Variants in USP3 observed in about 807,000 individuals in gnomAD.
USP3 encodes the protein ubiquitin carboxyl-terminal hydrolase 3.
USP3 carries 20 observed loss-of-function variants against 72.3 expected under a neutral mutation model. The observed-to-expected ratio is 0.28, with a 90% CI of 0.19 to 0.40. The LOEUF (loss-of-function observed/expected upper bound fraction) is 0.40, where lower values mean the gene tolerates loss of function less well. Ranked by LOEUF, USP3 falls within the 10% of genes least tolerant of loss-of-function variation. The pLI is 1.00. For synonymous variants in USP3, 222 were observed against 225.3 expected (o/e 0.99, Z 0.13); for missense variants, 479 against 633.9 (o/e 0.76, Z 2.62).
At chr15:63,581,574 G>GT (rs2066964283) in intron 11 of USP3, among the ~76,000 whole-genome samples, 1 of 130,320 alleles carries the variant, frequency 7.7e-6, no homozygotes, top group Admixed American at 7.9e-5. Flanking sequence ...TTTTTTTTTG[G>GT]ATTTTTGGTA....
chr15:63,509,530 AT>A (rs1319457952), intron 1 of USP3, among the ~76,000 whole-genome samples: 1 of 152,166 alleles, frequency 6.6e-6, no homozygotes, highest in Non-Finnish European at 1.5e-5. Flanking sequence ...CAGGTGGACA[AT>A]TTAGTTGTAA....
intron 3 of USP3, among the ~76,000 whole-genome samples, chr15:63,550,254 G>A (rs2066417594): frequency 6.6e-6 from 1 of 152,176 alleles, no homozygotes; most frequent in African/African-American, 2.4e-5. Flanking sequence ...TCTTTACCTT[G>A]TGATCCACCC....
intron 2 of USP3, among the ~76,000 whole-genome samples, chr15:63,533,349 A>C: frequency 6.6e-6 from 1 of 151,858 alleles, no homozygotes; most frequent in East Asian, 1.9e-4. Context: ...AACATCTTCT[A>C]CCTCACCCCA....
Position 63,553,528 on chromosome 15 carries a change from G to T in USP3, c.285-187G>T. The T allele has an allele frequency of 2.3e-6, 1 of 433,094 alleles. No homozygotes were observed. The highest frequency in any genetic ancestry group is 4.1e-6 in the Non-Finnish European group (1 of 246,616). The allele number at this position is 433,094 out of a possible 1,614,324, so 26.8% of individuals were successfully genotyped here. ...AAAGAAGCTCATGTTCATTGCCTACGTGGCTTTTAAAAAAGACTCTTGAAA... is the reference window on the plus strand; with the variant it reads ...AAAGAAGCTCATGTTCATTGCCTACTTGGCTTTTAAAAAAGACTCTTGAAA... On this transcript the variant is annotated intron_variant, in intron 3 of 14. Coordinates refer to ENST00000380324, the MANE Select transcript of USP3 (RefSeq NM_006537.4). This position sits in a 1 kb window ranked among gnomAD's most constrained non-coding sequence, Gnocchi z 4.2.
At position 63,544,083 on chromosome 15, in the gene USP3, G is replaced by C. The variant is rs898372939; in HGVS notation, c.284+6927G>C. Among the ~76,000 whole-genome samples, 5 of 150,556 alleles carry C rather than the reference G, an allele frequency of 3.3e-5. No homozygotes were observed. Among genetic ancestry groups the C allele is most frequent in the Non-Finnish European group, 7.4e-5 (5 of 67,700 alleles). ...AAGGAAATTAGTTTAATAATAGTAT[G>C]AAGATATTGTGAATAGCAAGACATT... is the stretch of plus-strand genomic sequence containing the variant. On this transcript the variant is annotated intron_variant, in intron 3 of 14. Transcript: ENST00000380324. The surrounding 1 kb of genome is among the most constrained non-coding windows in gnomAD (Gnocchi z 4.2).
intron 3 of USP3, among the ~76,000 whole-genome samples, chr15:63,546,761 G>A (rs1315012621): frequency 3.9e-5 from 6 of 151,970 alleles, no homozygotes; most frequent in Non-Finnish European, 8.8e-5. Flanking sequence ...CACCATGCCC[G>A]GCTAATTTTT....
intron 7 of USP3, among the ~76,000 whole-genome samples, chr15:63,561,626 C>T (rs1481406904): frequency 1.3e-5 from 2 of 152,202 alleles, no homozygotes; most frequent in African/African-American, 4.8e-5. Flanking sequence ...ACTCCTGCTT[C>T]GGATGGGCAA....
chr15:63,561,855 C>T lies in USP3; in HGVS notation c.648-1040C>T, dbSNP rs556933680. ...GAAGATATTGAGATTCTCTGAGATA[C>T]CAATCAAGTATCCGAAAATATGGTG... On this transcript the variant is annotated intron_variant, in intron 7 of 14. Coordinates refer to ENST00000380324, the MANE Select transcript of USP3 (RefSeq NM_006537.4). 9.9e-5 allele frequency among the ~76,000 whole-genome samples: 15 copies of T among 152,268 alleles called. No individual in the cohort carries two copies. The East Asian group carries it at 2.9e-3, about 29-fold the overall frequency.
chr15:63,552,055 G>A (rs1339474251), intron 3 of USP3, among the ~76,000 whole-genome samples: 1 of 152,162 alleles, frequency 6.6e-6, no homozygotes, highest in African/African-American at 2.4e-5. Context: ...GCAGTTAGAG[G>A]TTCAGTTTTC....
intron 8 of USP3, among the ~76,000 whole-genome samples, chr15:63,568,980 T>C (rs1246836971): frequency 6.6e-6 from 1 of 152,186 alleles, no homozygotes; most frequent in Non-Finnish European, 1.5e-5. Flanking sequence ...ACGAGGCACA[T>C]TGTTTTTTAA....
In USP3 at chr15:63,510,902, G is replaced by A. The variant is rs147765698; in HGVS notation, c.91+6072G>A. On this transcript the variant is annotated intron_variant, in intron 1 of 14. Coordinates refer to ENST00000380324, the MANE Select transcript of USP3 (RefSeq NM_006537.4). Reference sequence around the variant, plus strand: ...AGAAATTCACCTAAAATTGTTCATTGTGGTTGTATCTTAAAATCTTTGGGG... The same window carrying A: ...AGAAATTCACCTAAAATTGTTCATTATGGTTGTATCTTAAAATCTTTGGGG... 3.7e-4 allele frequency among the ~76,000 whole-genome samples: 57 copies of A among 152,266 alleles called. 1 individual carries two copies. The East Asian group carries it at 5.0e-3, about 13-fold the overall frequency.
At chr15:63,540,538 T>C (rs1265762057) in intron 3 of USP3, among the ~76,000 whole-genome samples, 3 of 152,190 alleles carry the variant, frequency 2.0e-5, no homozygotes, top group Non-Finnish European at 2.9e-5. Flanking sequence ...CCCCTGATCA[T>C]CTTGAAGGAC....
chr15:63,514,424 T>G (rs919301356), intron 1 of USP3, among the ~76,000 whole-genome samples: 12 of 152,224 alleles, frequency 7.9e-5, no homozygotes, highest in African/African-American at 2.4e-4. Context: ...TTCTGAAATA[T>G]TGATTATCTA....
chr15:63,573,969 C>T, intron 9 of USP3, 77 bp from the exon 10 acceptor site: 3 of 1,012,172 alleles, frequency 3.0e-6, no homozygotes, highest in East Asian at 2.7e-5. Context: ...GGGGCTTTAA[C>T]AAATATTTGT....
chr15:63,565,234 C>T (rs2066669728), intron 8 of USP3, among the ~76,000 whole-genome samples: 1 of 152,084 alleles, frequency 6.6e-6, no homozygotes, highest in Non-Finnish European at 1.5e-5. Flanking sequence ...ACCCCCAAAA[C>T]ACACACACCC....
intron 1 of USP3, among the ~76,000 whole-genome samples, chr15:63,506,811 G>C (rs796525612): frequency 2.0e-5 from 3 of 152,350 alleles, no homozygotes; most frequent in African/African-American, 7.2e-5. Context: ...AGCTTTGCAA[G>C]CCTGGGTCTA....
chr15:63,590,363 G>C (rs2067171338), intron 14 of USP3, among the ~76,000 whole-genome samples: 1 of 152,110 alleles, frequency 6.6e-6, no homozygotes, highest in Non-Finnish European at 1.5e-5. Context: ...CTAAGATTCT[G>C]ATGGGAAAAC....
chr15:63,511,735 C>G (rs1213634888), intron 1 of USP3, among the ~76,000 whole-genome samples: 1 of 151,966 alleles, frequency 6.6e-6, no homozygotes, highest in Non-Finnish European at 1.5e-5. Context: ...AGAGAAGATT[C>G]TTCTTGGAGG....
chr15:63,538,205 G>A (rs17185287), intron 3 of USP3, among the ~76,000 whole-genome samples: 18,691 of 152,194 alleles, frequency 0.12, 1,586 homozygotes, highest in South Asian at 0.2. Flanking sequence ...TAACTTTGGT[G>A]TGAAGCAAAT....
Sources: allele counts gnomAD v4.1 joint callset (sites outside exome capture counted in the v4.1 genomes callset), GRCh38; gene constraint gnomAD v4.1.1; non-coding constraint Gnocchi (gnomAD v3.1); transcripts MANE v1.5; gene names NCBI Gene and HGNC (gene_info 2026-07-23, HGNC 2026-07-21).